Variants in ROBO1 observed in about 807,000 individuals in gnomAD.
ROBO1 encodes the protein roundabout homolog 1.
In ROBO1, 149 loss-of-function variants were observed where a neutral mutation model predicts 195.9. The observed-to-expected ratio is 0.76, with a 90% CI of 0.67 to 0.87. ROBO1 has a LOEUF of 0.87. ROBO1 is among the 40% of genes least tolerant of loss of function. The pLI is 0.00. For missense variants in ROBO1, 1,933 were observed against 2,068.3 expected (o/e 0.93, Z 1.27); for synonymous variants, 816 against 733.2 (o/e 1.11, Z -1.82).
At chr3:79,569,752 G>A (rs1320898435) in intron 2 of ROBO1, among the ~76,000 whole-genome samples, 3 of 151,194 alleles carry the variant, frequency 2.0e-5, no homozygotes, top group African/African-American at 7.3e-5. Flanking sequence ...TATGTATATA[G>A]ACAATTCCTG....
At chr3:78,939,515 G>A (rs2040015132) in intron 3 of ROBO1, among the ~76,000 whole-genome samples, 2 of 151,396 alleles carry the variant, frequency 1.3e-5, no homozygotes, top group African/African-American at 4.9e-5. Flanking sequence ...CTACTCGGGA[G>A]GCTGAGGCAG....
At chr3:78,936,688 G>T (rs2039828749) in intron 4 of ROBO1, among the ~76,000 whole-genome samples, 1 of 152,014 alleles carries the variant, frequency 6.6e-6, no homozygotes, top group Admixed American at 6.5e-5. Flanking sequence ...CATAGGTTAT[G>T]TGTAAATACT....
intron 4 of ROBO1, among the ~76,000 whole-genome samples, chr3:78,838,091 G>T (rs1391889545): frequency 1.3e-5 from 2 of 152,168 alleles, no homozygotes; most frequent in African/African-American, 4.8e-5. Flanking sequence ...TAAGGAAGCT[G>T]ATCATAAATA....
chr3:78,993,322 T>C (rs1211110921), intron 3 of ROBO1, among the ~76,000 whole-genome samples: 1 of 152,190 alleles, frequency 6.6e-6, no homozygotes, highest in Non-Finnish European at 1.5e-5. Context: ...TTAAAAATCC[T>C]ACTTAACAAG....
chr3:79,673,906 C>G (rs1338486312), intron 1 of ROBO1, among the ~76,000 whole-genome samples: 1 of 151,910 alleles, frequency 6.6e-6, no homozygotes, highest in Admixed American at 6.6e-5. Context: ...AAGACACATA[C>G]AAAACTCTCC....
chr3:79,765,270 C>A (rs946070330), intron 1 of ROBO1, among the ~76,000 whole-genome samples: 2 of 152,286 alleles, frequency 1.3e-5, no homozygotes, highest in African/African-American at 2.4e-5. Context: ...TGAATGCCCC[C>A]ACTCCTTAGA....
chr3:79,704,680 T>C (rs1576257080), intron 1 of ROBO1, among the ~76,000 whole-genome samples: 1 of 152,154 alleles, frequency 6.6e-6, no homozygotes, highest in African/African-American at 2.4e-5. Context: ...AATGAATTTT[T>C]AAGATTTTGG....
At chr3:79,210,494 T>C (rs1021771031) in intron 2 of ROBO1, among the ~76,000 whole-genome samples, 7 of 152,184 alleles carry the variant, frequency 4.6e-5, no homozygotes, top group African/African-American at 1.7e-4. Flanking sequence ...GTACCTTATA[T>C]CTATCCATCT....
Position 78,818,115 on chromosome 3 carries a change from C to T in ROBO1, c.500-71215G>A, listed in dbSNP as rs191750062. ...ACTGCATCAGTTGCAGTACTTTCTC[C>T]TACCTCTCCTCCCTCAATCTTTTAT... On this transcript the variant is annotated intron_variant, in intron 4 of 30. Coordinates refer to ENST00000464233, the MANE Select transcript of ROBO1 (RefSeq NM_002941.4). Among the ~76,000 whole-genome samples, 129 of 152,304 alleles carry T rather than the reference C, an allele frequency of 8.5e-4. No individual in the cohort carries two copies. In the Middle Eastern group the frequency reaches 0.014, roughly 16 times the overall value.
At chr3:79,555,607 A>G (rs971522611) in intron 2 of ROBO1, among the ~76,000 whole-genome samples, 6 of 152,096 alleles carry the variant, frequency 3.9e-5, no homozygotes, top group African/African-American at 1.4e-4. Context: ...TCTGAACTGC[A>G]TTTTCATAGG....
intron 8 of ROBO1, among the ~76,000 whole-genome samples, chr3:78,692,698 G>A (rs992962541): frequency 6.6e-6 from 1 of 152,164 alleles, no homozygotes; most frequent in Non-Finnish European, 1.5e-5. Flanking sequence ...CTTATGAAAT[G>A]ATTGGACCTT....
rs139818512 is a variant in ROBO1 at position 79,007,143 on chromosome 3, C to T, written c.173-68216G>A. Among the ~76,000 whole-genome samples the T allele has an allele frequency of 9.4e-3, 1,432 of 152,132 alleles. 23 individuals are homozygous for T. The highest frequency in any genetic ancestry group is 0.033 in the African/African-American group (1,361 of 41,512). On this transcript the variant is annotated intron_variant, in intron 3 of 30. Transcript: ENST00000464233. ...AATAAGAAAAATTTAAAAAAAAGGG[C>T]ATCTTGTGCCTGAAGAATAACAAGT...
chr3:79,491,755 A>G lies in ROBO1; in HGVS notation c.88+98069T>C, dbSNP rs181466120. Among the ~76,000 whole-genome samples, 309 of 150,284 alleles carry G rather than the reference A, an allele frequency of 2.1e-3. 2 individuals carry two copies. The highest frequency in any genetic ancestry group is 6.3e-3 in the African/African-American group (256 of 40,926). ...AAGACGGGAAGAATTCAATGGTTAC[A>G]TTTTCTTAGAAAATGATTTAATCTG... On this transcript the variant is annotated intron_variant, in intron 2 of 30. Transcript: ENST00000464233.
At chr3:78,701,292 G>A (rs916224200) in intron 8 of ROBO1, among the ~76,000 whole-genome samples, 2 of 152,110 alleles carry the variant, frequency 1.3e-5, no homozygotes, top group Non-Finnish European at 2.9e-5. Flanking sequence ...TATATGAGCA[G>A]TTCCATACTT....
In ROBO1 at chr3:79,379,021, T is replaced by C. The variant is rs554966017; in HGVS notation, c.88+210803A>G. Among the ~76,000 whole-genome samples, 12 of 152,322 alleles carry C rather than the reference T, an allele frequency of 7.9e-5. No homozygotes were observed. In the East Asian group the frequency reaches 2.1e-3, roughly 27 times the overall value. On this transcript the variant is annotated intron_variant, in intron 2 of 30. Coordinates refer to ENST00000464233, the MANE Select transcript of ROBO1 (RefSeq NM_002941.4). ...TTCCCTCTGTGCTCTGAAGACACTATGTCAACATAAGCCGAATTGATATAA... is the reference window on the plus strand; with the variant it reads ...TTCCCTCTGTGCTCTGAAGACACTACGTCAACATAAGCCGAATTGATATAA...
intron 1 of ROBO1, among the ~76,000 whole-genome samples, chr3:79,639,263 T>C (rs1214777567): frequency 6.6e-6 from 1 of 152,160 alleles, no homozygotes; most frequent in Non-Finnish European, 1.5e-5. Flanking sequence ...ATTCAGAGAA[T>C]GACTTTGGGA....
At chr3:79,072,737 A>G (rs987904734) in intron 3 of ROBO1, among the ~76,000 whole-genome samples, 3 of 152,002 alleles carry the variant, frequency 2.0e-5, no homozygotes, top group Non-Finnish European at 2.9e-5. Flanking sequence ...TGTAAGAATT[A>G]ATACACATTC....
chr3:78,654,070 T>C (rs1268138349), intron 18 of ROBO1, among the ~76,000 whole-genome samples: 1 of 152,240 alleles, frequency 6.6e-6, no homozygotes, highest in Non-Finnish European at 1.5e-5. Flanking sequence ...ATAAAGATAA[T>C]TGGTATAACT....
intron 4 of ROBO1, among the ~76,000 whole-genome samples, chr3:78,927,115 A>G (rs2039265857): frequency 1.3e-5 from 2 of 152,220 alleles, no homozygotes; most frequent in South Asian, 4.1e-4. Flanking sequence ...GAGTGGGATA[A>G]GGCCACACAT....
Sources: gnomAD v4.1 joint callset for allele counts (sites outside exome capture counted in the v4.1 genomes callset) on GRCh38, gnomAD v4.1.1 for gene constraint, MANE v1.5 for transcripts, NCBI Gene and HGNC (gene_info 2026-07-23, HGNC 2026-07-21) for gene names.